Variants in CACNA1A observed in about 807,000 individuals in gnomAD.
CACNA1A encodes the protein calcium voltage-gated channel subunit alpha1 A.
In CACNA1A, 57 loss-of-function variants were observed where a neutral mutation model predicts 262.4. That is an observed-to-expected ratio of 0.22 (90% CI 0.18 to 0.27). The LOEUF (loss-of-function observed/expected upper bound fraction) is 0.27. Ranked by LOEUF, CACNA1A falls within the 10% of genes least tolerant of loss-of-function variation. The pLI, the probability that CACNA1A is intolerant of heterozygous loss-of-function variation, is 1.00. For missense variants in CACNA1A, 2,526 were observed against 3,562.8 expected, an observed-to-expected ratio of 0.71 and a Z score of 7.41; for synonymous variants, 1,431 against 1,419.3, an observed-to-expected ratio of 1.01 and a Z score of -0.18.
intron 1 of CACNA1A, among the ~76,000 whole-genome samples, chr19:13,464,543 A>ATTGTTTTTTTTTTTTTTTT (rs1170388497): frequency 1.6e-5 from 2 of 128,960 alleles, no homozygotes; most frequent in East Asian, 4.6e-4. Flanking sequence ...AACTTTTCCA[A>ATTGTTTTTTTTTTTTTTTT]TTTTTTTTTT....
At chr19:13,432,489 G>A (rs2060527530) in intron 3 of CACNA1A, among the ~76,000 whole-genome samples, 1 of 151,662 alleles carries the variant, frequency 6.6e-6, no homozygotes, top group Non-Finnish European at 1.5e-5. Flanking sequence ...TTGAACCCAT[G>A]GAAGCAGAGA....
chr19:13,496,637 G>A (rs1041382524), intron 1 of CACNA1A, among the ~76,000 whole-genome samples: 1 of 152,096 alleles, frequency 6.6e-6, no homozygotes, highest in African/African-American at 2.4e-5. Flanking sequence ...CAGAAGAATG[G>A]GTTAACAACA....
chr19:13,297,389 C>G (rs1225753356), intron 19 of CACNA1A, among the ~76,000 whole-genome samples: 1 of 152,212 alleles, frequency 6.6e-6, no homozygotes, highest in African/African-American at 2.4e-5. Flanking sequence ...CTCACTCAAT[C>G]TCTCAGTTTC....
chr19:13,209,217 C>T (rs768210477), intron 45 of CACNA1A, 95 bp downstream of exon 45: 49 of 1,382,348 alleles, frequency 3.5e-5, no homozygotes, highest in Non-Finnish European at 4.3e-5. Flanking sequence ...GAGGCCTCTC[C>T]CTTTCTTCTT....
At chr19:13,219,515 A>T (rs72995972) in intron 38 of CACNA1A, among the ~76,000 whole-genome samples, 19,619 of 152,174 alleles carry the variant, frequency 0.13, 1,608 homozygotes, top group Non-Finnish European at 0.17. Context: ...ACATACAAAG[A>T]GTGGGGGTGT....
chr19:13,472,880 T>A (rs8113488), intron 1 of CACNA1A, among the ~76,000 whole-genome samples: 1 of 151,924 alleles, frequency 6.6e-6, no homozygotes, highest in African/African-American at 2.4e-5. Context: ...TCTGCAAGTA[T>A]AATTAAATTA....
Position 13,207,262 on chromosome 19 carries a change from G to T in CACNA1A, c.*51C>A, listed in dbSNP as rs969359946. On this transcript the variant is annotated 3_prime_UTR_variant, in exon 47 of 47. Transcript: ENST00000360228. This position sits in a 1 kb window ranked among gnomAD's most constrained non-coding sequence, Gnocchi z 5.7. ...GCCTCTGCGCGGCTCCTCGGGTGGGGTGTGTGCGTGGGGTGCGTGGGGGGC... is the reference window on the plus strand; with the variant it reads ...GCCTCTGCGCGGCTCCTCGGGTGGGTTGTGTGCGTGGGGTGCGTGGGGGGC... 3.0e-5 allele frequency: 45 copies of T among 1,485,204 alleles called. No individual in the cohort carries two copies. The highest frequency in any genetic ancestry group is 4.5e-5 in the Admixed American group (2 of 44,692). The allele number at this position is 1,485,204 out of a possible 1,614,324, so 92.0% of individuals were successfully genotyped here.
rs1978316924 is a variant in CACNA1A, at chr19:13,474,479, C to A, written c.294-19267G>T. On this transcript the variant is annotated intron_variant, in intron 1 of 46. Transcript: ENST00000360228. Reference sequence around the variant, plus strand: ...GTGGGGTGAGCAGGGGAGGAACAGGCAAAGGGGAGGTGGGAAAAAGAAGAT... The same window carrying A: ...GTGGGGTGAGCAGGGGAGGAACAGGAAAAGGGGAGGTGGGAAAAAGAAGAT... Among the ~76,000 whole-genome samples, 3 of 152,094 alleles carry A rather than the reference C, an allele frequency of 2.0e-5. No individual in the cohort carries two copies. In the South Asian group the frequency reaches 6.2e-4, roughly 32 times the overall value.
chr19:13,207,806 C>T lies in CACNA1A; in HGVS notation c.7028G>A (p.Gly2343Asp). The T allele has an allele frequency of 6.9e-7, 1 of 1,445,104 alleles. No homozygotes were observed. The highest frequency in any genetic ancestry group is 9.0e-7 in the Non-Finnish European group (1 of 1,106,596). The allele number at this position is 1,445,104 out of a possible 1,614,324, so 89.5% of individuals were successfully genotyped here. A position where few individuals can be genotyped will look rare whatever the true frequency, so the allele number is the denominator to read the frequency against. ...TCCGGCCAGAGGCTCGGCCGTGGGGCCTGGGTACCTCCGAGGGCCGCTGGT... is the reference window on the plus strand; with the variant it reads ...TCCGGCCAGAGGCTCGGCCGTGGGGTCTGGGTACCTCCGAGGGCCGCTGGT... ...AATSGPRRYP[G>D]PTAEPLAGDR... is the part of the protein sequence containing the mutation. Residue 2343 changes from glycine to aspartate, a missense_variant, in exon 47 of 47, where the codon GGC (glycine) becomes GAC (aspartate). Transcript: ENST00000360228. This position sits in a 1 kb window ranked among gnomAD's most constrained non-coding sequence, Gnocchi z 5.7.
chr19:13,308,366 TC>T lies in CACNA1A; in HGVS notation c.1781+49del. ...ACTTTCTGGAGGCGGCCCCACCATG[TC>T]CCCCATCCCCACCCCCTGTACAAAT... On this transcript the variant is annotated intron_variant, in intron 13 of 46. Transcript: ENST00000360228. This position sits in a 1 kb window ranked among gnomAD's most constrained non-coding sequence, Gnocchi z 4.2. 1.3e-6 allele frequency: 2 copies of T among 1,529,628 alleles called. No homozygotes were observed. Among genetic ancestry groups the T allele is most frequent in the East Asian group, 4.6e-5 (2 of 43,224 alleles). The allele number at this position is 1,529,628 out of a possible 1,614,324, so 94.8% of individuals were successfully genotyped here. A position where few individuals can be genotyped will look rare whatever the true frequency, so the allele number is the denominator to read the frequency against.
In CACNA1A at chr19:13,214,340, GCA is replaced by G; in HGVS notation, c.5840-9_5840-8del. Reference sequence around the variant, plus strand: ...CCCACGGTGAGGTCCGTGGCTGGGGGCACACACACGGTGAGCTCACCAAGGGC... The same window carrying G: ...CCCACGGTGAGGTCCGTGGCTGGGGGCACACACGGTGAGCTCACCAAGGGC... On this transcript the variant is annotated splice_region_variant and splice_polypyrimidine_tract_variant and intron_variant, in intron 39 of 46. Coordinates refer to ENST00000360228, the MANE Select transcript of CACNA1A (RefSeq NM_001127222.2). The surrounding 1 kb of genome is among the most constrained non-coding windows in gnomAD (Gnocchi z 4.1). 2 of 1,611,918 alleles carry G rather than the reference GCA, an allele frequency of 1.2e-6. No individual in the cohort carries two copies. The highest frequency in any genetic ancestry group is 1.1e-5 in the South Asian group (1 of 91,008).
intron 3 of CACNA1A, among the ~76,000 whole-genome samples, chr19:13,430,716 G>A (rs1350138023): frequency 2.6e-5 from 4 of 152,288 alleles, no homozygotes; most frequent in Non-Finnish European, 5.9e-5. Context: ...TGCCCTCATG[G>A]AGCTGGCATT....
Position 13,241,634 on chromosome 19 carries a change from GGTTTC to G in CACNA1A, c.4950+3543_4950+3547del. On this transcript the variant is annotated intron_variant, in intron 31 of 46. Transcript: ENST00000360228. This position sits in a 1 kb window ranked among gnomAD's most constrained non-coding sequence, Gnocchi z 4.0. ...TGTAACCAGTGCCAAAAAACCAATG[GGTTTC>G]GGTTCCCGGGCGGGGAGTGGGGGTG... 1 of 702,964 alleles carries G rather than the reference GGTTTC, an allele frequency of 1.4e-6. No homozygotes were observed. The highest frequency in any genetic ancestry group is 2.6e-6 in the Non-Finnish European group (1 of 391,352). 43.5% of individuals were successfully genotyped at this position (702,964 alleles called of 1,614,324 possible).
intron 3 of CACNA1A, among the ~76,000 whole-genome samples, chr19:13,406,817 A>G (rs2060020159): frequency 1.3e-5 from 2 of 151,774 alleles, no homozygotes; most frequent in Non-Finnish European, 2.9e-5. Context: ...AAATCCTTCC[A>G]TGGCTCCCTT....
intron 4 of CACNA1A, among the ~76,000 whole-genome samples, chr19:13,368,109 G>A (rs536564694): frequency 6.6e-6 from 1 of 151,900 alleles, no homozygotes; most frequent in East Asian, 1.9e-4. Flanking sequence ...GAACTCAGGA[G>A]TTTGAGACCA....
At chr19:13,344,818 G>A (rs2058735799) in intron 6 of CACNA1A, among the ~76,000 whole-genome samples, 1 of 151,876 alleles carries the variant, frequency 6.6e-6, no homozygotes, top group African/African-American at 2.4e-5. Context: ...GTGATGGCAC[G>A]ATCTAGGCTC....
Position 13,437,445 on chromosome 19 carries a change from T to C in CACNA1A, c.539+15431A>G, listed in dbSNP as rs553122552. On this transcript the variant is annotated intron_variant, in intron 3 of 46. Transcript: ENST00000360228. ...GTGGCTCACGCCTCTAATCCCAGCA[T>C]TTTGGGAGGCTGAGGAGGGTGGATC... is the stretch of plus-strand genomic sequence containing the variant. Among the ~76,000 whole-genome samples the C allele has an allele frequency of 3.0e-3, 449 of 151,934 alleles. 1 individual carries two copies. The highest frequency in any genetic ancestry group is 1.0e-2 in the African/African-American group (413 of 41,456).
intron 3 of CACNA1A, among the ~76,000 whole-genome samples, chr19:13,409,678 T>C (rs2060075642): frequency 6.6e-6 from 1 of 152,162 alleles, no homozygotes; most frequent in Admixed American, 6.6e-5. Context: ...CCCGAATAGC[T>C]GGGACTACGT....
intron 8 of CACNA1A, among the ~76,000 whole-genome samples, chr19:13,333,170 G>C (rs558623142): frequency 6.6e-6 from 1 of 152,194 alleles, no homozygotes; most frequent in South Asian, 2.1e-4. Context: ...CAGCCTATAA[G>C]CCCCTGCTTG....
Sources: allele counts gnomAD v4.1 joint callset (sites outside exome capture counted in the v4.1 genomes callset), GRCh38; gene constraint gnomAD v4.1.1; non-coding constraint Gnocchi (gnomAD v3.1); transcripts MANE v1.5; gene names NCBI Gene and HGNC (gene_info 2026-07-23, HGNC 2026-07-21).